The following WDTC1 variants were observed in gnomAD, a reference collection of about 807,000 sequenced individuals.
WDTC1 encodes the protein WD and tetratricopeptide repeats 1.
A neutral mutation model predicts 76.0 loss-of-function variants in WDTC1; 12 were observed. That is an observed-to-expected ratio of 0.16 (90% confidence interval 0.10 to 0.26). The LOEUF (loss-of-function observed/expected upper bound fraction) is 0.26, where lower values mean the gene tolerates loss of function less well. Among genes scored for constraint, WDTC1 ranks in the 10% least tolerant of loss-of-function variants. The pLI, the probability that WDTC1 is intolerant of heterozygous loss-of-function variation, is 1.00. For missense variants in WDTC1, 511 were observed against 908.8 expected, an observed-to-expected ratio of 0.56 and a Z score of 5.63; for synonymous variants, 326 against 350.8, an observed-to-expected ratio of 0.93 and a Z score of 0.79.
At chr1:27,267,508 G>A (rs1017099690) in intron 3 of WDTC1, among the ~76,000 whole-genome samples, 11 of 152,010 alleles carry the variant, frequency 7.2e-5, no homozygotes, top group African/African-American at 2.7e-4. Context: ...TTTTTAATAG[G>A]TCAATATTCA....
intron 3 of WDTC1, among the ~76,000 whole-genome samples, chr1:27,269,053 A>G (rs2012770176): frequency 7.0e-6 from 1 of 143,458 alleles, no homozygotes; most frequent in Admixed American, 7.1e-5. Flanking sequence ...GGCTGGGTGC[A>G]GTGGCTCACG....
At chr1:27,288,572 C>T (rs2147970938) in intron 6 of WDTC1, among the ~76,000 whole-genome samples, 1 of 151,832 alleles carries the variant, frequency 6.6e-6, no homozygotes, top group South Asian at 2.1e-4. Flanking sequence ...ATGCTGCCTT[C>T]AAGCATCTGT....
chr1:27,303,134 G>T lies in WDTC1; in HGVS notation c.1469-487G>T, dbSNP rs758342772. Among the ~76,000 whole-genome samples, 1 of 152,088 alleles carries T rather than the reference G, an allele frequency of 6.6e-6. No homozygotes were observed. The highest frequency in any genetic ancestry group is 2.4e-5 in the African/African-American group (1 of 41,406). On this transcript the variant is annotated intron_variant, in intron 13 of 15. Transcript: ENST00000319394. This position sits in a 1 kb window ranked among gnomAD's most constrained non-coding sequence, Gnocchi z 4.8. The stretch of plus-strand genomic sequence containing the variant: ...CTAAAAATACAAAAATTAGCTGGGC[G>T]TGGTGGCACGTGCCTGGTAGTCCCA...
intron 3 of WDTC1, among the ~76,000 whole-genome samples, chr1:27,270,805 A>C (rs2012848522): frequency 6.6e-6 from 1 of 152,216 alleles, no homozygotes; most frequent in African/African-American, 2.4e-5. Flanking sequence ...ATTCTTCACC[A>C]TGGGAGTTGC....
intron 14 of WDTC1, chr1:27,304,776 A>G: frequency 2.1e-6 from 1 of 485,312 alleles, no homozygotes; most frequent in Non-Finnish European, 3.7e-6. Context: ...ACTATAGGGG[A>G]GACTGTCTTG....
At chr1:27,242,874 C>T (rs148325827) in intron 1 of WDTC1, among the ~76,000 whole-genome samples, 17 of 152,272 alleles carry the variant, frequency 1.1e-4, no homozygotes, top group African/African-American at 4.1e-4. Context: ...TAAAGCATTG[C>T]TTAGAAGCAG....
chr1:27,273,348 A>G (rs1297686219), intron 3 of WDTC1, among the ~76,000 whole-genome samples: 2 of 151,310 alleles, frequency 1.3e-5, no homozygotes, highest in African/African-American at 4.9e-5. Context: ...AGCTGGGACT[A>G]CAGGCGCCCG....
At chr1:27,300,009 T>C (rs1409897298) in intron 12 of WDTC1, among the ~76,000 whole-genome samples, 1 of 152,100 alleles carries the variant, frequency 6.6e-6, no homozygotes, top group Non-Finnish European at 1.5e-5. Context: ...CAGGCAGTAA[T>C]TGGGTTTCCA....
At chr1:27,260,348 G>A (rs1410513366) in intron 1 of WDTC1, among the ~76,000 whole-genome samples, 1 of 152,106 alleles carries the variant, frequency 6.6e-6, no homozygotes, top group Non-Finnish European at 1.5e-5. Context: ...CTTGTGATCC[G>A]CCCACCTCGG....
rs150053739 is a variant in WDTC1, at chr1:27,274,456, A to T, written c.133-7783A>T. Among the ~76,000 whole-genome samples, 251 of 152,338 alleles carry T rather than the reference A, an allele frequency of 1.6e-3. 3 individuals carry two copies. Among genetic ancestry groups the T allele is most frequent in the African/African-American group, 5.7e-3 (236 of 41,590 alleles). On this transcript the variant is annotated intron_variant, in intron 3 of 15. Transcript: ENST00000319394. This position sits in a 1 kb window ranked among gnomAD's most constrained non-coding sequence, Gnocchi z 4.2. ...GGCAACACAGCAAGACCCCATCTCC[A>T]TAAAACATTTTTTAAAAGTAAAAGA...
chr1:27,259,842 G>A (rs1233287545), intron 1 of WDTC1, among the ~76,000 whole-genome samples: 3 of 149,336 alleles, frequency 2.0e-5, no homozygotes, highest in Non-Finnish European at 3.0e-5. Flanking sequence ...GCAAGATGGC[G>A]AGACTCCATC....
At chr1:27,268,216 G>A (rs2012735029) in intron 3 of WDTC1, among the ~76,000 whole-genome samples, 1 of 152,046 alleles carries the variant, frequency 6.6e-6, no homozygotes, top group Admixed American at 6.6e-5. Flanking sequence ...TGTGGCAGGT[G>A]GATCACTTGA....
chr1:27,269,257 G>A (rs925513336), intron 3 of WDTC1, among the ~76,000 whole-genome samples: 2 of 147,374 alleles, frequency 1.4e-5, no homozygotes, highest in Non-Finnish European at 1.5e-5. Context: ...CAGTAGGATC[G>A]CTTGAGCCCA....
chr1:27,297,533 G>A (rs891885065), intron 11 of WDTC1, among the ~76,000 whole-genome samples: 3 of 152,176 alleles, frequency 2.0e-5, no homozygotes, highest in Non-Finnish European at 4.4e-5. Flanking sequence ...TCTGTGCTGG[G>A]CTTTGGATAC....
At chr1:27,280,120 A>G (rs1249732323) in intron 3 of WDTC1, among the ~76,000 whole-genome samples, 1 of 152,184 alleles carries the variant, frequency 6.6e-6, no homozygotes, top group African/African-American at 2.4e-5. Context: ...GTTGTATTTT[A>G]TGGACAACTT....
At chr1:27,271,350 G>A (rs911987556) in intron 3 of WDTC1, among the ~76,000 whole-genome samples, 5 of 151,960 alleles carry the variant, frequency 3.3e-5, no homozygotes, top group Non-Finnish European at 7.4e-5. Flanking sequence ...GAGTAGCTGG[G>A]ATGACAGGCA....
At chr1:27,266,334 A>T (rs2012675135) in intron 3 of WDTC1, among the ~76,000 whole-genome samples, 2 of 152,230 alleles carry the variant, frequency 1.3e-5, no homozygotes, top group Admixed American at 6.5e-5. Context: ...ACTCTCAAAA[A>T]GCCATCTGTT....
intron 1 of WDTC1, among the ~76,000 whole-genome samples, chr1:27,247,182 G>A (rs565589973): frequency 2.0e-5 from 3 of 151,124 alleles, no homozygotes; most frequent in Admixed American, 6.6e-5. Context: ...TCAGCCTCTC[G>A]AGTAGCTGGG....
intron 8 of WDTC1, 24 bp from the exon 9 acceptor site, chr1:27,294,490 G>C (rs371656054): frequency 1.4e-5 from 23 of 1,607,138 alleles, no homozygotes; most frequent in Middle Eastern, 1.6e-4. Flanking sequence ...TGGGACCCTA[G>C]TATGACTGGG....
Sources: allele counts gnomAD v4.1 joint callset (sites outside exome capture counted in the v4.1 genomes callset), GRCh38; gene constraint gnomAD v4.1.1; non-coding constraint Gnocchi (gnomAD v3.1); transcripts MANE v1.5; gene names NCBI Gene and HGNC (gene_info 2026-07-23, HGNC 2026-07-21).